The following APPL2 variants were observed in gnomAD, a reference collection of about 807,000 sequenced individuals.
The protein encoded by APPL2 is DCC-interacting protein 13-beta.
Under a neutral mutation model 92.7 loss-of-function variants are expected in APPL2, and 84 were observed. The observed-to-expected ratio is 0.91, with a 90% CI of 0.76 to 1.09. APPL2 has a LOEUF of 1.09. Ranked by LOEUF, APPL2 falls within the 50% of genes least tolerant of loss-of-function variation. The probability of loss-of-function intolerance (pLI) is 0.00; values close to 1 mark genes in which losing one functional copy is unlikely to be tolerated. For synonymous variants in APPL2, 291 were observed against 291.0 expected, an observed-to-expected ratio of 1.00 and a Z score of 0.00; for missense variants, 736 against 824.5, an observed-to-expected ratio of 0.89 and a Z score of 1.31.
rs571159044 is a variant in APPL2 at position 105,234,587 on chromosome 12, C to T, written c.54+1372G>A. The stretch of plus-strand genomic sequence containing the variant: ...TCACTGTAACCTGGCTTAGGCATCA[C>T]CATGTAGGTTAGAAAAGCAGGATAT... On this transcript the variant is annotated intron_variant, in intron 1 of 20. Coordinates refer to ENST00000258530, the MANE Select transcript of APPL2 (RefSeq NM_018171.5). Among the ~76,000 whole-genome samples, 235 of 152,328 alleles carry T rather than the reference C, an allele frequency of 1.5e-3. 4 individuals carry two copies. The highest frequency in any genetic ancestry group is 5.6e-3 in the African/African-American group (233 of 41,554).
At chr12:105,199,213 G>C in intron 10 of APPL2, 160 bp downstream of exon 10, 2 of 829,704 alleles carry the variant, frequency 2.4e-6, no homozygotes, top group Non-Finnish European at 3.7e-6. Context: ...GGCCCCAGAG[G>C]TTTCCTGTGT....
intron 17 of APPL2, among the ~76,000 whole-genome samples, chr12:105,181,486 G>T (rs913617249): frequency 7.2e-5 from 11 of 152,172 alleles, no homozygotes; most frequent in African/African-American, 2.4e-4. Context: ...AAATGAGTTA[G>T]GGAGGAGTCC....
intron 17 of APPL2, chr12:105,177,482 A>G (rs547160198): frequency 1.8e-6 from 1 of 564,958 alleles, no homozygotes; most frequent in South Asian, 2.1e-5. Context: ...AAGATTATAT[A>G]GCAAGTAGAA....
At chr12:105,225,245 A>T (rs1890404640) in intron 2 of APPL2, among the ~76,000 whole-genome samples, 1 of 152,098 alleles carries the variant, frequency 6.6e-6, no homozygotes, top group Admixed American at 6.5e-5. Context: ...AGAGAATGCC[A>T]GGTTACAAGG....
intron 8 of APPL2, among the ~76,000 whole-genome samples, chr12:105,204,957 G>T (rs1196750): frequency 0.36 from 55,073 of 152,130 alleles, 11,044 homozygotes; most frequent in Middle Eastern, 0.54. Flanking sequence ...GCCTCAGTTT[G>T]CAGGCATGAG....
chr12:105,186,513 C>T lies in APPL2; in HGVS notation c.1634+1760G>A, dbSNP rs74462305. On this transcript the variant is annotated intron_variant, in intron 17 of 20. Transcript: ENST00000258530. ...GGTAACTACCCAGGAGCCCGCCAAA[C>T]TATTTTTTCACAGCAGCTGAACCAT... is the stretch of plus-strand genomic sequence containing the variant. Among the ~76,000 whole-genome samples the T allele has an allele frequency of 3.9e-3, 586 of 150,344 alleles. 2 individuals are homozygous for T. The highest frequency in any genetic ancestry group is 0.014 in the African/African-American group (559 of 40,672).
chr12:105,203,650 G>C (rs1164536854), intron 9 of APPL2, 53 bp downstream of exon 9: 2 of 1,545,558 alleles, frequency 1.3e-6, no homozygotes, highest in South Asian at 1.1e-5. Context: ...AGAGATGTCA[G>C]ATCAGCATGA....
At chr12:105,194,755 A>C (rs1887495264) in intron 14 of APPL2, among the ~76,000 whole-genome samples, 1 of 150,708 alleles carries the variant, frequency 6.6e-6, no homozygotes, top group Non-Finnish European at 1.5e-5. Context: ...TACTAAAAGG[A>C]ACAATTCTGA....
chr12:105,206,136 G>A (rs1354771344), intron 8 of APPL2, among the ~76,000 whole-genome samples: 1 of 152,142 alleles, frequency 6.6e-6, no homozygotes, highest in Non-Finnish European at 1.5e-5. Flanking sequence ...AACAGGAAAT[G>A]GGTTAAAGCT....
chr12:105,203,846 G>T, intron 8 of APPL2, 61 bp from the exon 9 acceptor site: 1 of 1,479,824 alleles, frequency 6.8e-7, no homozygotes, highest in Non-Finnish European at 9.4e-7. Flanking sequence ...TGAACTCACT[G>T]AAGGTGAGAC....
At chr12:105,216,480 G>A (rs922311869) in intron 4 of APPL2, among the ~76,000 whole-genome samples, 10 of 151,988 alleles carry the variant, frequency 6.6e-5, no homozygotes, top group African/African-American at 2.4e-4. Context: ...CAGATGTAAT[G>A]AAGGATCCTG....
rs1592850537 is a variant in APPL2 at position 105,235,881 on chromosome 12, C to T, written c.54+78G>A. 7.8e-6 allele frequency: 9 copies of T among 1,157,468 alleles called. No individual in the cohort carries two copies. In the East Asian group the frequency reaches 3.0e-4, roughly 39 times the overall value. 71.7% of individuals were successfully genotyped at this position (1,157,468 alleles called of 1,614,324 possible). A position where few individuals can be genotyped will look rare whatever the true frequency, so the allele number is the denominator to read the frequency against. Reference sequence around the variant, plus strand: ...TCCCGCGGCTGCCCGGCCGGGGGCGCGGCCTCCACTCCGGGGCTGGAGGGG... The same window carrying T: ...TCCCGCGGCTGCCCGGCCGGGGGCGTGGCCTCCACTCCGGGGCTGGAGGGG... On this transcript the variant is annotated intron_variant, in intron 1 of 20. Transcript: ENST00000258530.
intron 8 of APPL2, 79 bp from the exon 9 acceptor site, chr12:105,203,864 G>A (rs1236271379): frequency 1.1e-5 from 14 of 1,293,062 alleles, no homozygotes; most frequent in South Asian, 2.4e-5. Context: ...GACAGGCAGC[G>A]TGAGGGCAGC....
chr12:105,176,746 T>A, intron 19 of APPL2, 130 bp downstream of exon 19: 1 of 1,195,120 alleles, frequency 8.4e-7, no homozygotes, highest in Middle Eastern at 2.8e-4. Flanking sequence ...TTAGGAGGTA[T>A]TATCTGAACT....
At chr12:105,189,394 T>C (rs1247481956) in intron 16 of APPL2, among the ~76,000 whole-genome samples, 1 of 152,214 alleles carries the variant, frequency 6.6e-6, no homozygotes, top group Non-Finnish European at 1.5e-5. Context: ...TTGAAAGACT[T>C]AAATATCATT....
intron 1 of APPL2, chr12:105,229,733 C>G (rs1890782053): frequency 9.1e-6 from 9 of 986,394 alleles, no homozygotes; most frequent in Non-Finnish European, 1.1e-5. Flanking sequence ...AGGAGTGTGT[C>G]ATTCTTTCCT....
intron 7 of APPL2, 128 bp from the exon 8 acceptor site, chr12:105,207,335 T>C (rs1888812787): frequency 3.1e-6 from 3 of 970,250 alleles, no homozygotes; most frequent in African/African-American, 3.3e-5. Flanking sequence ...AAAACACAGA[T>C]AAGGCTGCAC....
Position 105,217,666 on chromosome 12 carries a change from CTGTT to C in APPL2, c.209_212del (p.Lys70ArgfsTer12). 6.2e-7 allele frequency: 1 copy of C among 1,613,940 alleles called. No individual in the cohort carries two copies. Among genetic ancestry groups the C allele is most frequent in the Non-Finnish European group, 8.5e-7 (1 of 1,179,990 alleles). On this transcript the variant is annotated frameshift_variant and splice_region_variant, in exon 3 of 21. Coordinates refer to ENST00000258530, the MANE Select transcript of APPL2 (RefSeq NM_018171.5). LOFTEE classifies it high-confidence loss of function. ...ACAGGCCACATAAATACCAAGTTAC[CTGTT>C]TTTCATATGCCAGCAGTTGCTTAGA...
At chr12:105,177,686 G>A (rs1885686454) in intron 17 of APPL2, among the ~76,000 whole-genome samples, 3 of 152,184 alleles carry the variant, frequency 2.0e-5, no homozygotes, top group Admixed American at 2.0e-4. Context: ...AGATGAGGTA[G>A]CGGTGACAAA....
Sources: allele counts gnomAD v4.1 joint callset (sites outside exome capture counted in the v4.1 genomes callset), GRCh38; gene constraint gnomAD v4.1.1; transcripts MANE v1.5; gene names NCBI Gene and HGNC (gene_info 2026-07-23, HGNC 2026-07-21).